Variants in GSDMC observed in about 807,000 individuals in gnomAD.
GSDMC encodes gasdermin C, also known as gasdermin-C.
In GSDMC, 59 loss-of-function variants were observed where a neutral mutation model predicts 58.0. The observed-to-expected ratio is 1.02, with a 90% CI of 0.82 to 1.26. GSDMC has a LOEUF of 1.26. GSDMC is among the 50% of genes most tolerant of loss of function. GSDMC has a pLI of 0.00. For missense variants in GSDMC, 659 were observed against 598.5 expected, an observed-to-expected ratio of 1.10 and a Z score of -1.06; for synonymous variants, 241 against 220.2, an observed-to-expected ratio of 1.09 and a Z score of -0.83.
At chr8:129,738,755 G>A in the GSDMC span, among the ~76,000 whole-genome samples, 2 of 152,084 alleles carry the variant, frequency 1.3e-5, no homozygotes, top group Non-Finnish European at 2.9e-5. Flanking sequence ...GTATACCTAT[G>A]TAACAAACCT....
chr8:129,783,331 T>C (rs1425110175), intron 1 of GSDMC, among the ~76,000 whole-genome samples: 1 of 152,178 alleles, frequency 6.6e-6, no homozygotes, highest in Admixed American at 6.5e-5. Flanking sequence ...TGTGGTCTTA[T>C]ATATGGAACA....
chr8:129,709,503 TAGAC>T, the GSDMC span, among the ~76,000 whole-genome samples: 59,230 of 151,130 alleles, frequency 0.39, 16,252 homozygotes, highest in African/African-American at 0.75. Context: ...AGATGATAGA[TAGAC>T]AGATGATAGA....
intron 3 of GSDMC, among the ~76,000 whole-genome samples, chr8:129,768,087 TCCAGC>T (rs2033928146): frequency 6.6e-6 from 1 of 152,018 alleles, no homozygotes; most frequent in African/African-American, 2.4e-5. Flanking sequence ...CAGCCAGTGA[TCCAGC>T]CCGACCATGG....
At chr8:129,751,492 C>G in intron 10 of GSDMC, 50 bp downstream of exon 10, 1 of 1,531,720 alleles carries the variant, frequency 6.5e-7, no homozygotes, top group Non-Finnish European at 8.9e-7. Context: ...GGTGCTCAGA[C>G]TTGCAGCTCC....
At chr8:129,742,538 C>T in the GSDMC span, among the ~76,000 whole-genome samples, 2 of 152,136 alleles carry the variant, frequency 1.3e-5, no homozygotes, top group African/African-American at 4.8e-5. Flanking sequence ...CTCTGTACAA[C>T]TCTTTCTTCT....
At chr8:129,760,647 A>T in intron 5 of GSDMC, 58 bp from the exon 6 acceptor site, 24 of 505,388 alleles carry the variant, frequency 4.7e-5, no homozygotes, top group Non-Finnish European at 6.7e-5. Flanking sequence ...GCCTGAACCT[A>T]GACCAGGGAA....
chr8:129,711,514 T>C, the GSDMC span, among the ~76,000 whole-genome samples: 1 of 152,140 alleles, frequency 6.6e-6, no homozygotes, highest in Admixed American at 6.5e-5. Context: ...AATAACATGG[T>C]CTTTACACAT....
chr8:129,750,380 C>A, intron 11 of GSDMC, 51 bp downstream of exon 11: 1 of 1,565,736 alleles, frequency 6.4e-7, no homozygotes, highest in South Asian at 1.2e-5. Context: ...ATCTCCTAAC[C>A]AATCCCATTT....
chr8:129,743,977 T>C (rs1251223480), downstream of GSDMC, among the ~76,000 whole-genome samples: 2 of 152,364 alleles, frequency 1.3e-5, no homozygotes, highest in East Asian at 3.9e-4. Flanking sequence ...TTTGAAGCCT[T>C]ATGCTATACA....
intron 12 of GSDMC, 121 bp downstream of exon 12, chr8:129,749,869 T>A: frequency 1.3e-6 from 1 of 759,914 alleles, no homozygotes; most frequent in Non-Finnish European, 2.1e-6. Flanking sequence ...AGAGCTGTGA[T>A]GTAAGGACGA....
At chr8:129,782,922 C>T in intron 1 of GSDMC, among the ~76,000 whole-genome samples, 1 of 151,476 alleles carries the variant, frequency 6.6e-6, no homozygotes, top group Non-Finnish European at 1.5e-5. Flanking sequence ...AACTACAAGC[C>T]AATATTTCTG....
chr8:129,731,898 A>G, the GSDMC span, among the ~76,000 whole-genome samples: 1 of 152,226 alleles, frequency 6.6e-6, no homozygotes, highest in Non-Finnish European at 1.5e-5. Flanking sequence ...CTGTCACAGC[A>G]TCCTCTTAGA....
chr8:129,732,557 A>C, the GSDMC span, among the ~76,000 whole-genome samples: 4 of 152,248 alleles, frequency 2.6e-5, no homozygotes, highest in Non-Finnish European at 5.9e-5. Context: ...CACTGGATCT[A>C]CAGCAATGGT....
At chr8:129,739,212 T>C in the GSDMC span, among the ~76,000 whole-genome samples, 1 of 152,148 alleles carries the variant, frequency 6.6e-6, no homozygotes, top group Non-Finnish European at 1.5e-5. Context: ...GAGATGGGAC[T>C]GTGCCTGAGG....
intron 11 of GSDMC, 35 bp from the exon 12 acceptor site, chr8:129,750,154 C>T (rs757817229): frequency 2.1e-6 from 3 of 1,458,702 alleles, no homozygotes; most frequent in Admixed American, 4.6e-5. Flanking sequence ...AATAATAATA[C>T]TAATAACAGT....
At position 129,768,597 on chromosome 8, in the gene GSDMC, T is replaced by A. The variant is rs542390613; in HGVS notation, c.405-2804A>T. Reference sequence around the variant, plus strand: ...AGTTTAGGAAAGTTTCAACAGCAGATTCAATCAAGCAAAAGGAAGAATTAG... The same window carrying A: ...AGTTTAGGAAAGTTTCAACAGCAGAATCAATCAAGCAAAAGGAAGAATTAG... On this transcript the variant is annotated intron_variant, in intron 3 of 13. Transcript: ENST00000276708. Among the ~76,000 whole-genome samples, 9 of 152,282 alleles carry A rather than the reference T, an allele frequency of 5.9e-5. No homozygotes were observed. In the South Asian group the frequency reaches 1.9e-3, roughly 32 times the overall value.
the GSDMC span, among the ~76,000 whole-genome samples, chr8:129,715,593 AAAAT>A: frequency 6.6e-6 from 1 of 152,202 alleles, no homozygotes; most frequent in African/African-American, 2.4e-5. Context: ...AAATCAAACT[AAAAT>A]AAAGTCAAAA....
chr8:129,748,473 T>C lies in GSDMC; in HGVS notation c.*28A>G, dbSNP rs1325959995. ...CATAGACTGGGCGAGGGCCAGCATC[T>C]CTGGACTGACTGCCCATCAGGGAGG... On this transcript the variant is annotated 3_prime_UTR_variant, in exon 14 of 14. Transcript: ENST00000276708. 1.9e-6 allele frequency: 3 copies of C among 1,581,814 alleles called. No individual in the cohort carries two copies. Among genetic ancestry groups the C allele is most frequent in the Non-Finnish European group, 2.6e-6 (3 of 1,165,422 alleles).
the GSDMC span, chr8:129,723,029 C>T: frequency 6.6e-5 from 10 of 152,286 alleles, 1 homozygote; most frequent in Non-Finnish European, 1.5e-5. Flanking sequence ...CCACTGAAAG[C>T]AAACACCAAA....
Sources: allele counts gnomAD v4.1 joint callset (sites outside exome capture counted in the v4.1 genomes callset), GRCh38; gene constraint gnomAD v4.1.1; transcripts MANE v1.5; gene names NCBI Gene and HGNC (gene_info 2026-07-23, HGNC 2026-07-21).